Variants in PRKAA2 observed in about 807,000 individuals in gnomAD.
PRKAA2 encodes 5'-AMP-activated protein kinase catalytic subunit alpha-2.
A neutral mutation model predicts 56.3 loss-of-function variants in PRKAA2; 40 were observed. That is an observed-to-expected ratio of 0.71 (90% CI 0.55 to 0.92). The LOEUF (loss-of-function observed/expected upper bound fraction) is 0.92, where lower values mean the gene tolerates loss of function less well. PRKAA2 is among the 40% of genes least tolerant of loss of function. The pLI is 0.00. For missense variants in PRKAA2, 542 were observed against 686.9 expected (o/e 0.79, Z 2.36); for synonymous variants, 214 against 234.2 (o/e 0.91, Z 0.79).
At chr1:56,693,241 T>A (rs996044742) in intron 4 of PRKAA2, among the ~76,000 whole-genome samples, 1 of 152,170 alleles carries the variant, frequency 6.6e-6, no homozygotes, top group Non-Finnish European at 1.5e-5. Flanking sequence ...ACTTATTTAT[T>A]ACTATAGCTC....
chr1:56,652,609 G>T (rs1643910395), intron 1 of PRKAA2, among the ~76,000 whole-genome samples: 1 of 152,214 alleles, frequency 6.6e-6, no homozygotes, highest in Non-Finnish European at 1.5e-5. Context: ...ACCATTAGAT[G>T]CTGAGCCTTT....
At position 56,680,356 on chromosome 1, in the gene PRKAA2, C is replaced by G. The variant is rs1644144517; in HGVS notation, c.236+5834C>G. 4.0e-5 allele frequency among the ~76,000 whole-genome samples: 6 copies of G among 151,496 alleles called. No individual in the cohort carries two copies. In the South Asian group the frequency reaches 1.3e-3, roughly 32 times the overall value. On this transcript the variant is annotated intron_variant, in intron 2 of 8. Coordinates refer to ENST00000371244, the MANE Select transcript of PRKAA2 (RefSeq NM_006252.4). Reference sequence around the variant, plus strand: ...AGGAATTATGGTTTTTTTTTTAATTCAAAAAAATTTTTTTTATTATACTTT... The same window carrying G: ...AGGAATTATGGTTTTTTTTTTAATTGAAAAAAATTTTTTTTATTATACTTT...
rs1357253741 is a variant in PRKAA2 at position 56,713,859 on chromosome 1, A to G, written c.*6146A>G. 6.6e-6 allele frequency: 1 copy of G among 151,450 alleles called. No homozygotes were observed. The highest frequency in any genetic ancestry group is 2.4e-5 in the African/African-American group (1 of 41,278). 9.4% of individuals were successfully genotyped at this position (151,450 alleles called of 1,614,324 possible). On this transcript the variant is annotated 3_prime_UTR_variant, in exon 9 of 9. Transcript: ENST00000371244. ...GAGATCCACTGTTCTAAAAAAAAAA[A>G]AAAAAAAAAACACTAAATTGTGCCT... is the stretch of plus-strand genomic sequence containing the variant.
intron 5 of PRKAA2, among the ~76,000 whole-genome samples, chr1:56,695,184 A>ATATATATATATATATGATATAT (rs1553150022): frequency 1.3e-4 from 5 of 38,786 alleles, no homozygotes; most frequent in African/African-American, 7.6e-4. Flanking sequence ...ATGATATATT[A>ATATATATATATATATGATATAT]TATATATATA....
intron 4 of PRKAA2, 98 bp from the exon 5 acceptor site, chr1:56,693,667 T>C (rs1644242253): frequency 4.3e-6 from 3 of 690,046 alleles, no homozygotes; most frequent in East Asian, 5.7e-5. Context: ...AAAAATGATA[T>C]ATGGAGGATC....
At chr1:56,706,450 G>T (rs1257379799) in intron 8 of PRKAA2, among the ~76,000 whole-genome samples, 1 of 152,224 alleles carries the variant, frequency 6.6e-6, no homozygotes, top group African/African-American at 2.4e-5. Context: ...ATCATTTGAA[G>T]TGTTGGCCGT....
intron 6 of PRKAA2, among the ~76,000 whole-genome samples, chr1:56,696,929 A>G (rs1416905901): frequency 6.8e-6 from 1 of 147,804 alleles, no homozygotes; most frequent in Non-Finnish European, 1.5e-5. Flanking sequence ...CTTACCTAAG[A>G]TTTCATCCGT....
chr1:56,694,845 C>A (rs1277529814), intron 5 of PRKAA2, among the ~76,000 whole-genome samples: 2 of 151,966 alleles, frequency 1.3e-5, no homozygotes, highest in Admixed American at 1.3e-4. Flanking sequence ...AACAATACAG[C>A]AAATGATGTA....
In PRKAA2 at chr1:56,645,529, G is replaced by A. The variant is rs1219948894; in HGVS notation, c.94+48G>A. 9.1e-6 allele frequency: 13 copies of A among 1,422,406 alleles called. No individual in the cohort carries two copies. The Admixed American group carries it at 2.7e-4, about 30-fold the overall frequency. 88.1% of individuals were successfully genotyped at this position (1,422,406 alleles called of 1,614,324 possible). ...CTGTGCGGGGCTGCCTGACTTGCGG[G>A]AGGCCGAGGGGAGAGGCGGGAGCCC... On this transcript the variant is annotated intron_variant, in intron 1 of 8. Coordinates refer to ENST00000371244, the MANE Select transcript of PRKAA2 (RefSeq NM_006252.4).
intron 6 of PRKAA2, among the ~76,000 whole-genome samples, chr1:56,703,377 A>C (rs1644309098): frequency 6.6e-6 from 1 of 152,222 alleles, no homozygotes; most frequent in Admixed American, 6.5e-5. Context: ...TATTTTCCAA[A>C]AAAAATTGTG....
rs67041631 is a variant in PRKAA2, at chr1:56,664,855, TACACAC to T, written c.95-9494_95-9489del. Among the ~76,000 whole-genome samples the T allele has an allele frequency of 6.2e-3, 874 of 139,920 alleles. 5 individuals carry two copies. The highest frequency in any genetic ancestry group is 7.7e-3 in the African/African-American group (284 of 36,820). 91.8% of individuals were successfully genotyped at this position (139,920 alleles called of 152,430 possible). Reference sequence around the variant, plus strand: ...ACACATGTATGCATAAGTATATGTGTACACACACACACACACACACACACACACACA... The same window carrying T: ...ACACATGTATGCATAAGTATATGTGTACACACACACACACACACACACACA... On this transcript the variant is annotated intron_variant, in intron 1 of 8. Transcript: ENST00000371244.
At chr1:56,671,250 G>A (rs1399683854) in intron 1 of PRKAA2, among the ~76,000 whole-genome samples, 4 of 152,140 alleles carry the variant, frequency 2.6e-5, no homozygotes, top group Admixed American at 6.5e-5. Context: ...CAATTATGAC[G>A]TTATTAGGCA....
chr1:56,692,606 A>C (rs1644235846), intron 4 of PRKAA2, 104 bp downstream of exon 4: 6 of 1,167,450 alleles, frequency 5.1e-6, no homozygotes, highest in Non-Finnish European at 5.8e-6. Flanking sequence ...GTTCTGTACC[A>C]TGAAAAGGAA....
intron 1 of PRKAA2, among the ~76,000 whole-genome samples, chr1:56,646,100 TGGGA>T (rs772351357): frequency 0.024 from 3,667 of 152,210 alleles, 91 homozygotes; most frequent in East Asian, 0.11. Flanking sequence ...CTGGTCTTGC[TGGGA>T]GGTCCCTGCC....
rs546102108 is a variant in PRKAA2, at chr1:56,706,315, C to G, written c.1420+97C>G. 18 of 1,409,982 alleles carry G rather than the reference C, an allele frequency of 1.3e-5. No homozygotes were observed. The South Asian group carries it at 1.9e-4, about 15-fold the overall frequency. 87.3% of individuals were successfully genotyped at this position (1,409,982 alleles called of 1,614,324 possible). ...TCTCGAAGACATCCGGTGGGTAGGTCCTGCACTGGTTTTTAAGCAATCTAG... is the reference window on the plus strand; with the variant it reads ...TCTCGAAGACATCCGGTGGGTAGGTGCTGCACTGGTTTTTAAGCAATCTAG... On this transcript the variant is annotated intron_variant, in intron 8 of 8. Coordinates refer to ENST00000371244, the MANE Select transcript of PRKAA2 (RefSeq NM_006252.4).
In PRKAA2 at chr1:56,713,909, A is replaced by C. The variant is rs1644387262; in HGVS notation, c.*6196A>C. On this transcript the variant is annotated 3_prime_UTR_variant, in exon 9 of 9. Transcript: ENST00000371244. ...TTCTCCCTTAAATTATAAGAAGAGT[A>C]ATAGTAAAAACTTGTTTAAACTATA... 2 of 150,586 alleles carry C rather than the reference A, an allele frequency of 1.3e-5. No individual in the cohort carries two copies. Among genetic ancestry groups the C allele is most frequent in the South Asian group, 4.2e-4 (2 of 4,780 alleles). The allele number at this position is 150,586 out of a possible 1,614,324, so 9.3% of individuals were successfully genotyped here.
At chr1:56,653,080 C>G (rs1643914407) in intron 1 of PRKAA2, among the ~76,000 whole-genome samples, 1 of 151,832 alleles carries the variant, frequency 6.6e-6, no homozygotes. Flanking sequence ...TACACACATT[C>G]ACAGTAAATT....
chr1:56,681,887 G>A (rs61302582), intron 2 of PRKAA2, among the ~76,000 whole-genome samples: 4 of 152,142 alleles, frequency 2.6e-5, no homozygotes, highest in East Asian at 1.9e-4. Context: ...TTCCAATTCT[G>A]TGAAGAAAGT....
intron 1 of PRKAA2, among the ~76,000 whole-genome samples, chr1:56,672,339 ACTC>A (rs1557549610): frequency 1.3e-5 from 2 of 151,974 alleles, no homozygotes; most frequent in African/African-American, 4.8e-5. Context: ...CTGGTCTCGA[ACTC>A]CTGGGCTCAA....
Sources: allele counts gnomAD v4.1 joint callset (sites outside exome capture counted in the v4.1 genomes callset), GRCh38; gene constraint gnomAD v4.1.1; transcripts MANE v1.5; gene names NCBI Gene and HGNC (gene_info 2026-07-23, HGNC 2026-07-21).